The following ERBB4 variants were observed in gnomAD, a reference collection of about 807,000 sequenced individuals.
The protein encoded by ERBB4 is receptor tyrosine-protein kinase erbB-4.
A neutral mutation model predicts 158.0 loss-of-function variants in ERBB4; 42 were observed. The observed-to-expected ratio is 0.27, with a 90% CI of 0.21 to 0.34. ERBB4 has a LOEUF of 0.34. Ranked by LOEUF, ERBB4 falls within the 10% of genes least tolerant of loss-of-function variation. The pLI, the probability that ERBB4 is intolerant of heterozygous loss-of-function variation, is 1.00. For missense variants in ERBB4, 1,333 were observed against 1,624.1 expected (o/e 0.82, Z 3.08); for synonymous variants, 583 against 558.7 (o/e 1.04, Z -0.61).
chr2:211,765,099 C>T (rs1173610200), intron 4 of ERBB4, among the ~76,000 whole-genome samples: 2 of 152,084 alleles, frequency 1.3e-5, no homozygotes, highest in East Asian at 3.9e-4. Context: ...ACTCCCTCGC[C>T]TCACAATATT....
intron 1 of ERBB4, among the ~76,000 whole-genome samples, chr2:212,132,734 G>A (rs1197273731): frequency 6.6e-6 from 1 of 151,980 alleles, no homozygotes; most frequent in African/African-American, 2.4e-5. Context: ...CTCCATAATT[G>A]TGTGAGCCAA....
chr2:211,385,464 G>A (rs2062665718), intron 27 of ERBB4, among the ~76,000 whole-genome samples: 1 of 152,128 alleles, frequency 6.6e-6, no homozygotes, highest in Admixed American at 6.5e-5. Context: ...TGCCCCTGCA[G>A]GAGTTGGGTG....
intron 3 of ERBB4, among the ~76,000 whole-genome samples, chr2:211,851,856 G>C (rs1279209555): frequency 1.3e-5 from 2 of 151,802 alleles, no homozygotes; most frequent in Non-Finnish European, 2.9e-5. Context: ...AAAGAGATAT[G>C]AGCAAAGGCT....
At chr2:211,564,257 GAGT>G (rs1366117472) in intron 19 of ERBB4, among the ~76,000 whole-genome samples, 1 of 152,126 alleles carries the variant, frequency 6.6e-6, no homozygotes, top group Admixed American at 6.5e-5. Context: ...AAAGGCTGAG[GAGT>G]AGTAGTATTA....
rs1403913180 is a variant in ERBB4 at position 212,191,789 on chromosome 2, G to A, written c.83-66886C>T. Among the ~76,000 whole-genome samples the A allele has an allele frequency of 3.6e-5, 5 of 140,118 alleles. 1 individual carries two copies. Among genetic ancestry groups the A allele is most frequent in the African/African-American group, 1.3e-4 (5 of 38,524 alleles). The allele number at this position is 140,118 out of a possible 152,430, so 91.9% of individuals were successfully genotyped here. ...GTTATATATAACACGTGTGTTATAT[G>A]TTCTATATGTTATATATAATACATG... On this transcript the variant is annotated intron_variant, in intron 1 of 27. Coordinates refer to ENST00000342788, the MANE Select transcript of ERBB4 (RefSeq NM_005235.3).
intron 3 of ERBB4, among the ~76,000 whole-genome samples, chr2:211,908,564 A>G (rs1405376474): frequency 6.6e-6 from 1 of 151,804 alleles, no homozygotes; most frequent in African/African-American, 2.4e-5. Flanking sequence ...TACCAAATGT[A>G]TATGAATACA....
intron 19 of ERBB4, among the ~76,000 whole-genome samples, chr2:211,602,918 G>C (rs1034528250): frequency 1.7e-4 from 26 of 152,112 alleles, no homozygotes; most frequent in Non-Finnish European, 1.3e-4. Context: ...TGCAGCATGA[G>C]AGTGGAATTC....
chr2:212,060,936 G>A lies in ERBB4; in HGVS notation c.234+63816C>T, dbSNP rs184113772. Among the ~76,000 whole-genome samples, 5 of 149,188 alleles carry A rather than the reference G, an allele frequency of 3.4e-5. No individual in the cohort carries two copies. The East Asian group carries it at 5.9e-4, about 18-fold the overall frequency. On this transcript the variant is annotated intron_variant, in intron 2 of 27. Transcript: ENST00000342788. The stretch of plus-strand genomic sequence containing the variant: ...TAACAAACCTGTACATTGTGCACAC[G>A]TACCCTAAAACTTAAAGTATGATAA...
chr2:212,159,006 A>C (rs993677715), intron 1 of ERBB4, among the ~76,000 whole-genome samples: 1 of 152,040 alleles, frequency 6.6e-6, no homozygotes, highest in Non-Finnish European at 1.5e-5. Flanking sequence ...AAGAGTCTAC[A>C]TGATGAGTAA....
intron 20 of ERBB4, among the ~76,000 whole-genome samples, chr2:211,536,377 C>CT (rs1035046423): frequency 2.5e-5 from 2 of 78,560 alleles, no homozygotes; most frequent in African/African-American, 7.8e-5. Context: ...TCAACAAACC[C>CT]TAAACTTGAA....
intron 3 of ERBB4, among the ~76,000 whole-genome samples, chr2:211,943,476 C>T (rs1391444015): frequency 6.6e-6 from 1 of 152,002 alleles, no homozygotes; most frequent in Non-Finnish European, 1.5e-5. Flanking sequence ...GCAGTAGGGA[C>T]CTTCCCAATG....
At chr2:211,682,098 C>T (rs1236952174) in intron 12 of ERBB4, among the ~76,000 whole-genome samples, 1 of 115,156 alleles carries the variant, frequency 8.7e-6, no homozygotes, top group East Asian at 2.0e-4. Flanking sequence ...ACACAATTGG[C>T]TCACACAAGC....
intron 20 of ERBB4, among the ~76,000 whole-genome samples, chr2:211,524,925 A>G (rs1211097890): frequency 6.6e-6 from 1 of 152,190 alleles, no homozygotes; most frequent in Non-Finnish European, 1.5e-5. Context: ...GACTGCCAGC[A>G]CGCTGCCACC....
At chr2:211,657,444 G>A (rs536808147) in intron 16 of ERBB4, among the ~76,000 whole-genome samples, 1 of 151,898 alleles carries the variant, frequency 6.6e-6, no homozygotes, top group South Asian at 2.1e-4. Flanking sequence ...AGGAGGTGGA[G>A]GTTGCAGTGA....
chr2:212,418,198 G>A (rs10197535), intron 1 of ERBB4, among the ~76,000 whole-genome samples: 53,776 of 151,652 alleles, frequency 0.35, 10,019 homozygotes, highest in Non-Finnish European at 0.41. Flanking sequence ...GTACTCCAGA[G>A]AAAATTTAGA....
At chr2:212,385,690 G>A (rs1368109454) in intron 1 of ERBB4, among the ~76,000 whole-genome samples, 1 of 151,654 alleles carries the variant, frequency 6.6e-6, no homozygotes, top group East Asian at 1.9e-4. Context: ...AGTTATGTGG[G>A]TCTTTTTTGT....
Position 212,479,883 on chromosome 2 carries a change from T to C in ERBB4, c.82+58566A>G, listed in dbSNP as rs76276247. ...TTTTAACAGAGGACTTCATGATGAT[T>C]GCTGCCTAATGGTAGGTCATGGCCT... On this transcript the variant is annotated intron_variant, in intron 1 of 27. Transcript: ENST00000342788. 7.4e-3 allele frequency among the ~76,000 whole-genome samples: 1,129 copies of C among 152,286 alleles called. 17 individuals carry two copies. Among genetic ancestry groups the C allele is most frequent in the African/African-American group, 0.026 (1,087 of 41,568 alleles).
intron 3 of ERBB4, among the ~76,000 whole-genome samples, chr2:211,942,609 A>C (rs1188554128): frequency 1.3e-5 from 2 of 152,062 alleles, no homozygotes; most frequent in African/African-American, 4.8e-5. Flanking sequence ...TCGGTATTCT[A>C]CTTTTTGTTT....
At chr2:211,619,413 C>A (rs2069511652) in intron 18 of ERBB4, 138 bp from the exon 19 acceptor site, 3 of 636,474 alleles carry the variant, frequency 4.7e-6, no homozygotes, top group South Asian at 1.9e-5. Flanking sequence ...AGTTACTCTG[C>A]AACTTTGTTG....
Sources: gnomAD v4.1 joint callset for allele counts (sites outside exome capture counted in the v4.1 genomes callset) on GRCh38, gnomAD v4.1.1 for gene constraint, MANE v1.5 for transcripts, NCBI Gene and HGNC (gene_info 2026-07-23, HGNC 2026-07-21) for gene names.